The following TP53BP1 variants were observed in gnomAD, a reference collection of about 807,000 sequenced individuals.
TP53BP1 encodes the protein TP53-binding protein 1.
TP53BP1 carries 61 observed loss-of-function variants against 200.8 expected under a neutral mutation model. The observed-to-expected ratio is 0.30, with a 90% CI of 0.25 to 0.38. TP53BP1 has a LOEUF of 0.38. Among genes scored for constraint, TP53BP1 ranks in the 10% least tolerant of loss-of-function variants. The probability of loss-of-function intolerance (pLI) is 1.00; values close to 1 mark genes in which losing one functional copy is unlikely to be tolerated. For missense variants in TP53BP1, 2,144 were observed against 2,371.9 expected (o/e 0.90, Z 2.00); for synonymous variants, 822 against 844.3 (o/e 0.97, Z 0.46).
At chr15:43,426,955 T>C (rs918302231) in intron 18 of TP53BP1, among the ~76,000 whole-genome samples, 6 of 149,700 alleles carry the variant, frequency 4.0e-5, no homozygotes, top group Non-Finnish European at 8.9e-5. Context: ...AAGGCGGAGG[T>C]TGCAGTGAGC....
At chr15:43,494,099 T>TG (rs999925556), upstream of TP53BP1, among the ~76,000 whole-genome samples, 2 of 151,718 alleles carry the variant, frequency 1.3e-5, no homozygotes, top group African/African-American at 4.8e-5. Context: ...TGTTGAGGGG[T>TG]GGGGGTATAT....
upstream of TP53BP1, among the ~76,000 whole-genome samples, chr15:43,497,725 G>T (rs979667437): frequency 6.6e-6 from 1 of 152,218 alleles, no homozygotes; most frequent in Admixed American, 6.5e-5. Context: ...GAGCTAGGAG[G>T]AGGGAGGAAA....
intron 18 of TP53BP1, 72 bp from the exon 19 acceptor site, chr15:43,422,198 A>G (rs1431816269): frequency 6.7e-7 from 1 of 1,503,646 alleles, no homozygotes; most frequent in African/African-American, 1.4e-5. Context: ...TGGTTGGAAA[A>G]TCCTACAGAT....
rs892322762 is a variant in TP53BP1, at chr15:43,406,598, C to T, written c.*785G>A. On this transcript the variant is annotated 3_prime_UTR_variant, in exon 28 of 28. Coordinates refer to ENST00000382044, the MANE Select transcript of TP53BP1 (RefSeq NM_001141980.3). Reference sequence around the variant, plus strand: ...GAAATATTTACTCTTTGACCCTTTACAGAAAAAAACCTTGTTGACCCCTGC... The same window carrying T: ...GAAATATTTACTCTTTGACCCTTTATAGAAAAAAACCTTGTTGACCCCTGC... The T allele has an allele frequency of 2.0e-5, 9 of 455,830 alleles. No homozygotes were observed. The highest frequency in any genetic ancestry group is 1.2e-4 in the African/African-American group (6 of 50,044). 28.2% of individuals were successfully genotyped at this position (455,830 alleles called of 1,614,324 possible).
At position 43,455,952 on chromosome 15, in the gene TP53BP1, C is replaced by T; in HGVS notation, c.2656G>A (p.Ala886Thr). The stretch of plus-strand genomic sequence containing the variant: ...GCAGAGGGCTTCCCCAGCTTCTGGG[C>T]CTCTGCATCTGAGCTTAGCTGCTTT... ...NAKQLSSDAE[A>T]QKLGKPSAHA... Residue 886 changes from alanine (A) to threonine (T), a missense_variant, in exon 12 of 28, where the codon GCC becomes ACC. Physicochemically the swap from Ala to Thr is moderately conservative, Grantham distance 58. This residue lies in a region of TP53BP1 where 1,700 missense variants were observed against 1,710.3 expected (regional missense o/e 0.99). Transcript: ENST00000382044. 1 of 1,614,170 alleles carries T rather than the reference C, an allele frequency of 6.2e-7. No homozygotes were observed. Among genetic ancestry groups the T allele is most frequent in the Non-Finnish European group, 8.5e-7 (1 of 1,180,042 alleles).
chr15:43,474,832 CT>C, intron 9 of TP53BP1, 65 bp from the exon 10 acceptor site: 1 of 1,201,708 alleles, frequency 8.3e-7, no homozygotes, highest in Non-Finnish European at 1.2e-6. Flanking sequence ...TCTGTATTTG[CT>C]TTTACTTTTT....
chr15:43,430,953 AGATTGCCG>A (rs1355174784), intron 17 of TP53BP1, among the ~76,000 whole-genome samples: 2 of 152,116 alleles, frequency 1.3e-5, no homozygotes, highest in African/African-American at 2.4e-5. Context: ...TGGCATATTC[AGATTGCCG>A]GCATCACTAC....
At chr15:43,459,103 C>T (rs1712609796) in intron 11 of TP53BP1, among the ~76,000 whole-genome samples, 1 of 152,100 alleles carries the variant, frequency 6.6e-6, no homozygotes, top group Non-Finnish European at 1.5e-5. Flanking sequence ...TTTGGGAGGC[C>T]AAGACAGGCA....
chr15:43,503,168 T>C (rs2079218784), intron 1 of TP53BP1, among the ~76,000 whole-genome samples: 1 of 152,274 alleles, frequency 6.6e-6, no homozygotes, highest in South Asian at 2.1e-4. Context: ...TGTGCGCGCA[T>C]GCGCGGGTGT....
intron 12 of TP53BP1, among the ~76,000 whole-genome samples, chr15:43,450,574 T>G (rs1324985660): frequency 1.3e-5 from 2 of 152,156 alleles, no homozygotes; most frequent in Admixed American, 1.3e-4. Context: ...CTCCTTACAG[T>G]TTTTCACATC....
At chr15:43,438,294 C>A (rs764726273) in intron 16 of TP53BP1, 30 bp downstream of exon 16, 5 of 1,596,396 alleles carry the variant, frequency 3.1e-6, no homozygotes, top group South Asian at 2.2e-5. Flanking sequence ...ACCAATGGAG[C>A]CCAAAAGATT....
intron 12 of TP53BP1, among the ~76,000 whole-genome samples, chr15:43,453,150 C>A (rs1212686518): frequency 2.1e-5 from 3 of 140,368 alleles, no homozygotes; most frequent in African/African-American, 8.2e-5. Context: ...GCCGGGATAG[C>A]GCCACTGCAG....
At chr15:43,489,442 A>G (rs2079090677) in intron 4 of TP53BP1, among the ~76,000 whole-genome samples, 1 of 152,252 alleles carries the variant, frequency 6.6e-6, no homozygotes, top group Admixed American at 6.5e-5. Context: ...TTAAAGAGGT[A>G]CCATAAACTT....
chr15:43,465,461 C>A (rs1342033682), intron 11 of TP53BP1, among the ~76,000 whole-genome samples: 3 of 151,284 alleles, frequency 2.0e-5, no homozygotes, highest in Admixed American at 2.0e-4. Context: ...CTAAAAGAGA[C>A]AGAGATGATC....
intron 11 of TP53BP1, among the ~76,000 whole-genome samples, chr15:43,468,541 T>C (rs1487655836): frequency 1.4e-5 from 2 of 147,200 alleles, no homozygotes; most frequent in Admixed American, 1.4e-4. Flanking sequence ...ACCAAGATCC[T>C]GTCTCAAAAA....
Position 43,488,345 on chromosome 15 carries a change from C to G in TP53BP1, c.371+3324G>C, listed in dbSNP as rs552121660. Among the ~76,000 whole-genome samples the G allele has an allele frequency of 5.9e-5, 9 of 151,856 alleles. 1 individual carries two copies. In the South Asian group the frequency reaches 1.7e-3, roughly 28 times the overall value. ...CTAAAGGTTACAGACTGTATGATCC[C>G]ATTTTATATAGTATTTTGAAATGAC... On this transcript the variant is annotated intron_variant, in intron 4 of 27. Coordinates refer to ENST00000382044, the MANE Select transcript of TP53BP1 (RefSeq NM_001141980.3).
In TP53BP1 at chr15:43,405,315, G is replaced by A; in HGVS notation, c.*2068C>T. On this transcript the variant is annotated 3_prime_UTR_variant, in exon 28 of 28. Coordinates refer to ENST00000382044, the MANE Select transcript of TP53BP1 (RefSeq NM_001141980.3). ...AGCCACACACAAATAAATATCTGCG[G>A]CTTAGTGATAGGACTCTACCTTTTC... 1.5e-6 allele frequency: 2 copies of A among 1,379,070 alleles called. No homozygotes were observed. The highest frequency in any genetic ancestry group is 2.1e-6 in the Non-Finnish European group (2 of 972,950). The allele number at this position is 1,379,070 out of a possible 1,614,324, so 85.4% of individuals were successfully genotyped here.
At chr15:43,491,075 ATTTTT>A (rs1010560667) in intron 4 of TP53BP1, among the ~76,000 whole-genome samples, 1 of 143,078 alleles carries the variant, frequency 7.0e-6, no homozygotes. Context: ...ATACTCCTAA[ATTTTT>A]TTTTTTTTTT....
At chr15:43,437,489 C>T (rs1407850638) in intron 16 of TP53BP1, among the ~76,000 whole-genome samples, 5 of 152,110 alleles carry the variant, frequency 3.3e-5, no homozygotes, top group African/African-American at 7.2e-5. Context: ...AAAAATTAGC[C>T]GGTATGGTGG....
Sources: gnomAD v4.1 joint callset for allele counts (sites outside exome capture counted in the v4.1 genomes callset) on GRCh38, gnomAD v4.1.1 for gene constraint, gnomAD v4.1.1 regional missense constraint, MANE v1.5 for transcripts, NCBI Gene and HGNC (gene_info 2026-07-23, HGNC 2026-07-21) for gene names.